Variants in CD163L1 observed in about 807,000 individuals in gnomAD.
CD163L1 encodes scavenger receptor cysteine-rich type 1 protein M160.
Under a neutral mutation model 165.4 loss-of-function variants are expected in CD163L1, and 124 were observed. The observed-to-expected ratio is 0.75, with a 90% CI of 0.65 to 0.87. CD163L1 has a LOEUF of 0.87. CD163L1 is among the 40% of genes least tolerant of loss of function. The probability of loss-of-function intolerance (pLI) is 0.00; values close to 1 mark genes in which losing one functional copy is unlikely to be tolerated. For synonymous variants in CD163L1, 585 were observed against 662.2 expected (o/e 0.88, Z 1.79); for missense variants, 1,525 against 1,799.9 (o/e 0.85, Z 2.76).
At position 7,374,393 on chromosome 12, in the gene CD163L1, AGTGTGTGCAC is replaced by A. The variant is rs755002955; in HGVS notation, c.3409+39_3409+48del. 3 of 1,530,846 alleles carry A rather than the reference AGTGTGTGCAC, an allele frequency of 2.0e-6. No individual in the cohort carries two copies. Among genetic ancestry groups the A allele is most frequent in the African/African-American group, 1.4e-5 (1 of 73,106 alleles). The allele number at this position is 1,530,846 out of a possible 1,614,324, so 94.8% of individuals were successfully genotyped here. A position where few individuals can be genotyped will look rare whatever the true frequency, so the allele number is the denominator to read the frequency against. The stretch of plus-strand genomic sequence containing the variant: ...TTTACAATTGTGTTGTGTGTGTGCA[AGTGTGTGCAC>A]GTGTGTGTAGAGGAGGGTGAAAAGG... On this transcript the variant is annotated intron_variant, in intron 13 of 19. Coordinates refer to ENST00000313599, the MANE Select transcript of CD163L1 (RefSeq NM_174941.6). This position sits in a 1 kb window ranked among gnomAD's most constrained non-coding sequence, Gnocchi z 5.4.
chr12:7,413,262 T>C (rs1022815901), intron 4 of CD163L1, among the ~76,000 whole-genome samples: 3 of 152,044 alleles, frequency 2.0e-5, no homozygotes, highest in Non-Finnish European at 4.4e-5. Context: ...ATTTCTCCCA[T>C]GGGAGAAGGT....
At position 7,415,582 on chromosome 12, in the gene CD163L1, C is replaced by G. The variant is rs374875549; in HGVS notation, c.767-8730G>C. 2.0e-4 allele frequency among the ~76,000 whole-genome samples: 31 copies of G among 152,244 alleles called. No homozygotes were observed. The South Asian group carries it at 5.2e-3, about 25-fold the overall frequency. On this transcript the variant is annotated intron_variant, in intron 4 of 19. Transcript: ENST00000313599. The stretch of plus-strand genomic sequence containing the variant: ...CTAATGCTATCACTCCCCTACCCCC[C>G]CAACCCCCAACAGGCCCTGGTGTGT...
intron 4 of CD163L1, among the ~76,000 whole-genome samples, chr12:7,412,751 A>G (rs1163765033): frequency 6.6e-6 from 1 of 152,092 alleles, no homozygotes; most frequent in Non-Finnish European, 1.5e-5. Context: ...AATTTTAACA[A>G]CCATTTATGA....
At position 7,403,295 on chromosome 12, in the gene CD163L1, G is replaced by C. The variant is rs116261322; in HGVS notation, c.1408+240C>G. Among the ~76,000 whole-genome samples the C allele has an allele frequency of 7.9e-3, 1,205 of 152,274 alleles. 14 individuals carry two copies. The highest frequency in any genetic ancestry group is 0.027 in the African/African-American group (1,135 of 41,556). On this transcript the variant is annotated intron_variant, in intron 6 of 19. Coordinates refer to ENST00000313599, the MANE Select transcript of CD163L1 (RefSeq NM_174941.6). ...GAAGAGAGGTTGCCCAGTTATTTTA[G>C]AGATACAGATTATACTCATGCAGTG...
chr12:7,382,074 A>T (rs965175032), intron 8 of CD163L1, among the ~76,000 whole-genome samples: 4 of 148,444 alleles, frequency 2.7e-5, no homozygotes, highest in Admixed American at 1.3e-4. Flanking sequence ...TTTTAAATAT[A>T]TATATACACA....
rs764502530 is a variant in CD163L1, at chr12:7,398,305, T to C, written c.1688A>G (p.His563Arg). 1.2e-6 allele frequency: 2 copies of C among 1,614,150 alleles called. No homozygotes were observed. Among genetic ancestry groups the C allele is most frequent in the Non-Finnish European group, 1.7e-6 (2 of 1,179,988 alleles). Residue 563 changes from histidine to arginine, a missense_variant, in exon 7 of 20, where the codon CAT becomes CGT. Physicochemically the swap from His to Arg is conservative, Grantham distance 29. Coordinates refer to ENST00000313599, the MANE Select transcript of CD163L1 (RefSeq NM_174941.6). This position sits in a 1 kb window ranked among gnomAD's most constrained non-coding sequence, Gnocchi z 4.5. Reference sequence around the variant, plus strand: ...CACATCCTCTCTGTGTACACAATTATGCTTTCCCCATCCACTGTGTTCACA... The same window carrying C: ...CACATCCTCTCTGTGTACACAATTACGCTTTCCCCATCCACTGTGTTCACA... ...WDCEHSGWGK[H>R]NCVHREDVIV... is the part of the protein sequence containing the mutation.
At chr12:7,331,384 G>C in the CD163L1 span, among the ~76,000 whole-genome samples, 1 of 152,216 alleles carries the variant, frequency 6.6e-6, no homozygotes, top group African/African-American at 2.4e-5. Flanking sequence ...ACAAAAGGCA[G>C]CAATAACCTC....
In CD163L1 at chr12:7,421,484, CAT is replaced by C. The variant is rs1243708673; in HGVS notation, c.766+10930_766+10931del. ...ATATACATATATATACATATATGTA[CAT>C]ATATACATATATGTACATATACATA... On this transcript the variant is annotated intron_variant, in intron 4 of 19. Coordinates refer to ENST00000313599, the MANE Select transcript of CD163L1 (RefSeq NM_174941.6). 4.9e-3 allele frequency among the ~76,000 whole-genome samples: 495 copies of C among 100,336 alleles called. 29 individuals are homozygous for C. Among genetic ancestry groups the C allele is most frequent in the African/African-American group, 0.023 (457 of 19,678 alleles). The allele number at this position is 100,336 out of a possible 152,430, so 65.8% of individuals were successfully genotyped here.
chr12:7,335,157 G>C, the CD163L1 span, among the ~76,000 whole-genome samples: 1 of 152,108 alleles, frequency 6.6e-6, no homozygotes, highest in East Asian at 1.9e-4. Context: ...AGTTCATATG[G>C]AACCAAAAAA....
At chr12:7,438,879 C>CA (rs1948775337) in intron 2 of CD163L1, 1 of 1,585,600 alleles carries the variant, frequency 6.3e-7, no homozygotes, top group Non-Finnish European at 8.7e-7. Context: ...TCTAACTCTG[C>CA]AGCACTTTTG....
At position 7,357,355 on chromosome 12, in the gene CD163L1, G is replaced by A. The variant is rs770395455; in HGVS notation, c.*24+25C>T. ...GTGGGAGATTAAATTACTAGTTTTA[G>A]TAGGAACAATACTTCTCAACTTACC... On this transcript the variant is annotated intron_variant, in intron 19 of 19. Transcript: ENST00000313599. 7.4e-6 allele frequency: 11 copies of A among 1,477,440 alleles called. No homozygotes were observed. The East Asian group carries it at 2.5e-4, about 33-fold the overall frequency. The allele number at this position is 1,477,440 out of a possible 1,614,324, so 91.5% of individuals were successfully genotyped here.
chr12:7,409,835 T>C (rs970420098), intron 4 of CD163L1, among the ~76,000 whole-genome samples: 2 of 152,166 alleles, frequency 1.3e-5, no homozygotes, highest in African/African-American at 4.8e-5. Flanking sequence ...CACCTCCAAT[T>C]GGCTTTATAA....
intron 14 of CD163L1, 134 bp downstream of exon 14, chr12:7,373,186 C>T (rs767603799): frequency 1.4e-5 from 10 of 693,552 alleles, no homozygotes; most frequent in South Asian, 6.8e-5. Context: ...AGAACAGATG[C>T]GATAAATCAG....
chr12:7,373,228 G>T, intron 14 of CD163L1, 92 bp downstream of exon 14: 2 of 1,055,686 alleles, frequency 1.9e-6, no homozygotes, highest in Non-Finnish European at 1.4e-6. Context: ...CAGTGAGTCT[G>T]CCATGTGCTC....
At chr12:7,430,706 T>C (rs1411354677) in intron 4 of CD163L1, among the ~76,000 whole-genome samples, 1 of 152,070 alleles carries the variant, frequency 6.6e-6, no homozygotes, top group Admixed American at 6.6e-5. Flanking sequence ...ATGTTTATAT[T>C]TGGGGAAGGC....
chr12:7,348,541 C>T (rs1281648018), intron 4 of CD163L1, among the ~76,000 whole-genome samples: 2 of 152,156 alleles, frequency 1.3e-5, no homozygotes, highest in African/African-American at 2.4e-5. Context: ...TTGAGTCAAA[C>T]TGCCTGGGTT....
rs769098820 is a variant in CD163L1 at position 7,375,401 on chromosome 12, G to A, written c.2881C>T (p.Arg961Cys). Residue 961 changes from arginine to cysteine, a missense_variant, in exon 11 of 20, where the codon CGT (arginine) becomes TGT (cysteine). By Grantham distance (180) the Arg-to-Cys change is radical. Coordinates refer to ENST00000313599, the MANE Select transcript of CD163L1 (RefSeq NM_174941.6). ...GGKYIGERSV[R>C]VWGHRFHCLG... The stretch of plus-strand genomic sequence containing the variant: ...CAATGAAACCTGTGTCCCCACACAC[G>A]AACACTTCTTTCTCCAATATATTTT... The A allele has an allele frequency of 1.2e-6, 2 of 1,614,116 alleles. No homozygotes were observed. The highest frequency in any genetic ancestry group is 1.7e-6 in the Non-Finnish European group (2 of 1,180,028).
At chr12:7,392,818 GAGA>G (rs1252785576) in intron 8 of CD163L1, among the ~76,000 whole-genome samples, 2 of 151,946 alleles carry the variant, frequency 1.3e-5, no homozygotes, top group African/African-American at 4.8e-5. Flanking sequence ...CTAGAAAATC[GAGA>G]AGAAGTGGAT....
chr12:7,376,816 T>A (rs1029115521), intron 9 of CD163L1, among the ~76,000 whole-genome samples: 1 of 152,186 alleles, frequency 6.6e-6, no homozygotes, highest in African/African-American at 2.4e-5. Context: ...TGAGCCACCA[T>A]CATTACTTGC....
Sources: allele counts gnomAD v4.1 joint callset (sites outside exome capture counted in the v4.1 genomes callset), GRCh38; gene constraint gnomAD v4.1.1; non-coding constraint Gnocchi (gnomAD v3.1); transcripts MANE v1.5; gene names NCBI Gene and HGNC (gene_info 2026-07-23, HGNC 2026-07-21).